Variants in MYCBP observed in about 807,000 individuals in gnomAD.
MYCBP encodes MYC binding protein, also known as C-Myc-binding protein.
A neutral mutation model predicts 16.8 loss-of-function variants in MYCBP; 5 were observed. The observed-to-expected ratio is 0.30, with a 90% CI of 0.16 to 0.63. The LOEUF is 0.63. Ranked by LOEUF, MYCBP falls within the 20% of genes least tolerant of loss-of-function variation. The probability of loss-of-function intolerance (pLI) is 0.83; values close to 1 mark genes in which losing one functional copy is unlikely to be tolerated. For synonymous variants in MYCBP, 35 were observed against 43.7 expected (o/e 0.80, Z 0.79); for missense variants, 103 against 121.8 (o/e 0.85, Z 0.73).
At chr1:38,866,074 G>GTTT (rs1642331275) in intron 4 of MYCBP, among the ~76,000 whole-genome samples, 1 of 25,780 alleles carries the variant, frequency 3.9e-5, no homozygotes, top group Non-Finnish European at 6.6e-5. Context: ...TTGAGACAGA[G>GTTT]TTTCATTCTT....
chr1:38,866,891 GT>G lies in MYCBP; in HGVS notation c.255del (p.Lys85AsnfsTer2). The G allele has an allele frequency of 1.3e-6, 2 of 1,549,104 alleles. No homozygotes were observed. The highest frequency in any genetic ancestry group is 2.3e-5 in the East Asian group (1 of 43,716). ...KYEAIVEENK[K>X]LKAKLAQYEP... is the part of the protein sequence containing the mutation. ...TTTTAAAAATTTACCTTTGCTTTCAGTTTTTTATTTTCTTCTACAATAGCTT... is the reference window on the plus strand; with the variant it reads ...TTTTAAAAATTTACCTTTGCTTTCAGTTTTTATTTTCTTCTACAATAGCTT... On this transcript the variant is annotated frameshift_variant, in exon 4 of 5. Coordinates refer to ENST00000397572, the MANE Select transcript of MYCBP (RefSeq NM_012333.5). LOFTEE classifies it high-confidence loss of function.
intron 2 of MYCBP, among the ~76,000 whole-genome samples, chr1:38,871,052 C>T (rs1642454114): frequency 1.3e-5 from 2 of 151,886 alleles, no homozygotes; most frequent in South Asian, 4.2e-4. Context: ...CCAGCCTGGC[C>T]CATGTGGTGA....
chr1:38,868,410 T>C (rs1379421308), intron 2 of MYCBP, among the ~76,000 whole-genome samples: 3 of 152,220 alleles, frequency 2.0e-5, no homozygotes, highest in Admixed American at 2.0e-4. Flanking sequence ...GTAGTCAACA[T>C]GCTCAAATCA....
chr1:38,872,764 CG>C (rs1375066212), intron 2 of MYCBP, among the ~76,000 whole-genome samples: 2 of 152,250 alleles, frequency 1.3e-5, no homozygotes, highest in Non-Finnish European at 2.9e-5. Flanking sequence ...GGCAAAGCAA[CG>C]GAAGTTGAAG....
chr1:38,872,962 G>A, intron 2 of MYCBP, 56 bp downstream of exon 2: 1 of 1,537,554 alleles, frequency 6.5e-7, no homozygotes, highest in Non-Finnish European at 8.8e-7. Flanking sequence ...GGGGAACGGG[G>A]CAGCGCCGGG....
At chr1:38,873,374 TGCGCGGAAGGGG>T, upstream of MYCBP, 1 of 1,561,038 alleles carries the variant, frequency 6.4e-7, no homozygotes, top group Non-Finnish European at 8.6e-7. Flanking sequence ...GCACTGCTCA[TGCGCGGAAGGGG>T]GCGCGCGCCT....
Position 38,864,687 on chromosome 1 carries a change from C to T in MYCBP, c.295G>A (p.Glu99Lys). 2 of 1,613,870 alleles carry T rather than the reference C, an allele frequency of 1.2e-6. No homozygotes were observed. The highest frequency in any genetic ancestry group is 1.7e-6 in the Non-Finnish European group (2 of 1,179,878). The change falls in exon 5 of 5, where the codon GAG becomes AAG. Residue 99 changes from glutamate to lysine, a missense_variant. Transcript: ENST00000397572. ...KLAQYEPPQE[E>K]KRAE Reference sequence around the variant, plus strand: ...GAAGAATCCTATTCAGCACGCTTCTCCTCCTGAGGTGGTTCATACTGAGCA... The same window carrying T: ...GAAGAATCCTATTCAGCACGCTTCTTCTCCTGAGGTGGTTCATACTGAGCA...
chr1:38,866,044 C>CTTTTTTTTTTTTTTTTTTTTTTTTT (rs71057153), intron 4 of MYCBP, among the ~76,000 whole-genome samples: 1 of 65,720 alleles, frequency 1.5e-5, no homozygotes, highest in African/African-American at 7.9e-5. Flanking sequence ...CTAAGAACCT[C>CTTTTTTTTTTTTTTTTTTTTTTTTT]TTTTTTTTTT....
At chr1:38,867,086 C>T in intron 3 of MYCBP, 77 bp from the exon 4 acceptor site, 1 of 1,351,638 alleles carries the variant, frequency 7.4e-7, no homozygotes, top group Non-Finnish European at 1.0e-6. Context: ...ATCAATATCC[C>T]TGACCAGAGT....
Position 38,864,075 on chromosome 1 carries a change from T to C in MYCBP, c.*595A>G, listed in dbSNP as rs1642289541. On this transcript the variant is annotated 3_prime_UTR_variant, in exon 5 of 5. Transcript: ENST00000397572. ...AGCTCAGAGGAAAGCAATGCAAGAT[T>C]ATCAGACAGGCATGATTGCATAGAA... The C allele has an allele frequency of 1.3e-5, 2 of 153,184 alleles. No homozygotes were observed. The highest frequency in any genetic ancestry group is 2.1e-4 in the South Asian group (1 of 4,868). 9.5% of individuals were successfully genotyped at this position (153,184 alleles called of 1,614,324 possible).
At chr1:38,869,348 A>G (rs1642413178) in intron 2 of MYCBP, among the ~76,000 whole-genome samples, 1 of 152,048 alleles carries the variant, frequency 6.6e-6, no homozygotes, top group Non-Finnish European at 1.5e-5. Context: ...TCAGCCTCCC[A>G]AAGTTCTGGG....
At chr1:38,868,035 G>A (rs1188533730) in intron 2 of MYCBP, among the ~76,000 whole-genome samples, 1 of 152,350 alleles carries the variant, frequency 6.6e-6, no homozygotes, top group African/African-American at 2.4e-5. Context: ...TGGCAGGAAA[G>A]GAAGCTGGAA....
rs757527677 is a variant in MYCBP at position 38,866,887 on chromosome 1, T to G, written c.260A>C (p.Lys87Thr). ...TTCTTTTTAAAAATTTACCTTTGCT[T>G]TCAGTTTTTTATTTTCTTCTACAAT... ...EAIVEENKKL[K>T]AKLAQYEPPQ... The change falls in exon 4 of 5, where the codon AAA becomes ACA. Residue 87 changes from lysine (K) to threonine (T), a missense_variant. By Grantham distance (78) the Lys-to-Thr change is moderately conservative. Coordinates refer to ENST00000397572, the MANE Select transcript of MYCBP (RefSeq NM_012333.5). 1.1e-5 allele frequency: 17 copies of G among 1,544,874 alleles called. No homozygotes were observed. In the African/African-American group the frequency reaches 1.4e-4, roughly 13 times the overall value.
chr1:38,864,575 G>C lies in MYCBP; in HGVS notation c.*95C>G. On this transcript the variant is annotated 3_prime_UTR_variant, in exon 5 of 5. Transcript: ENST00000397572. ...TAGGTGAATTAAACATATTAAAAGAGTTCTATAGCATCTGTTCAGAAAAGA... is the reference window on the plus strand; with the variant it reads ...TAGGTGAATTAAACATATTAAAAGACTTCTATAGCATCTGTTCAGAAAAGA... 8.0e-7 allele frequency: 1 copy of C among 1,245,698 alleles called. No individual in the cohort carries two copies. The highest frequency in any genetic ancestry group is 1.2e-6 in the Non-Finnish European group (1 of 853,930). The allele number at this position is 1,245,698 out of a possible 1,614,324, so 77.2% of individuals were successfully genotyped here. A position where few individuals can be genotyped will look rare whatever the true frequency, so the allele number is the denominator to read the frequency against.
chr1:38,873,160 C>T (rs1642504466), intron 1 of MYCBP, 70 bp from the exon 2 acceptor site: 1 of 1,550,752 alleles, frequency 6.4e-7, no homozygotes, highest in Admixed American at 1.9e-5. Flanking sequence ...GGGAGTCCGG[C>T]AACCCCGCCT....
intron 2 of MYCBP, among the ~76,000 whole-genome samples, chr1:38,869,797 T>C (rs2124261030): frequency 6.6e-6 from 1 of 152,100 alleles, no homozygotes; most frequent in East Asian, 1.9e-4. Flanking sequence ...TTCCAGCACT[T>C]TGAGAGGCCA....
rs1225834066 is a variant in MYCBP, at chr1:38,863,829, A to T, written c.*841T>A. On this transcript the variant is annotated 3_prime_UTR_variant, in exon 5 of 5. Coordinates refer to ENST00000397572, the MANE Select transcript of MYCBP (RefSeq NM_012333.5). ...TATATAATTATACCTACAAACTATG[A>T]TTTTCCCCAATATATGGCTCATTCC... 1.3e-5 allele frequency: 2 copies of T among 152,498 alleles called. No homozygotes were observed. Among genetic ancestry groups the T allele is most frequent in the African/African-American group, 4.8e-5 (2 of 41,406 alleles). The allele number at this position is 152,498 out of a possible 1,614,324, so 9.4% of individuals were successfully genotyped here. A position where few individuals can be genotyped will look rare whatever the true frequency, so the allele number is the denominator to read the frequency against.
chr1:38,871,632 T>C (rs1642470297), intron 2 of MYCBP, among the ~76,000 whole-genome samples: 1 of 102,206 alleles, frequency 9.8e-6, no homozygotes, highest in South Asian at 2.7e-4. Context: ...AGGCTGGTCT[T>C]GAGCTCCTGG....
rs999871780 is a variant in MYCBP at position 38,872,410 on chromosome 1, T to A, written c.88+608A>T. On this transcript the variant is annotated intron_variant, in intron 2 of 4. Transcript: ENST00000397572. ...AAGAGATACAGCGTTAACAGTAAGC[T>A]TTCATTTTAAAAAGTGAAAACAATG... Among the ~76,000 whole-genome samples, 5 of 152,370 alleles carry A rather than the reference T, an allele frequency of 3.3e-5. No individual in the cohort carries two copies. In the East Asian group the frequency reaches 9.6e-4, roughly 29 times the overall value.
Sources: allele counts gnomAD v4.1 joint callset (sites outside exome capture counted in the v4.1 genomes callset), GRCh38; gene constraint gnomAD v4.1.1; transcripts MANE v1.5; gene names NCBI Gene and HGNC (gene_info 2026-07-23, HGNC 2026-07-21).